SLC45A4: variants seen among roughly 807,000 people sequenced by gnomAD.
SLC45A4 encodes the protein polyamine-transporter SLC45A4.
In SLC45A4, 32 loss-of-function variants were observed where a neutral mutation model predicts 63.7. That is an observed-to-expected ratio of 0.50 (90% CI 0.38 to 0.67). The LOEUF is 0.67. SLC45A4 is among the 30% of genes least tolerant of loss of function. The pLI, the probability that SLC45A4 is intolerant of heterozygous loss-of-function variation, is 0.00. For synonymous variants in SLC45A4, 535 were observed against 510.0 expected (o/e 1.05, Z -0.66); for missense variants, 1,027 against 1,157.7 (o/e 0.89, Z 1.64).
chr8:141,295,595 A>G (rs774519753), intron 1 of SLC45A4, among the ~76,000 whole-genome samples: 40 of 152,200 alleles, frequency 2.6e-4, no homozygotes, highest in Non-Finnish European at 5.1e-4. Context: ...CTTCCACAAC[A>G]CAGCACCCAG....
chr8:141,217,507 C>T (rs538281819), intron 5 of SLC45A4, among the ~76,000 whole-genome samples: 29 of 152,338 alleles, frequency 1.9e-4, no homozygotes, highest in African/African-American at 5.8e-4. Flanking sequence ...GTGGCCCTCT[C>T]GGAGCCACTG....
intron 1 of SLC45A4, among the ~76,000 whole-genome samples, chr8:141,276,400 A>G (rs1829729533): frequency 6.6e-6 from 1 of 152,174 alleles, no homozygotes; most frequent in Non-Finnish European, 1.5e-5. Context: ...CTCAGTAGGG[A>G]GAGCAAGTCT....
intron 2 of SLC45A4, among the ~76,000 whole-genome samples, chr8:141,222,994 T>G (rs537670019): frequency 6.6e-6 from 1 of 152,330 alleles, no homozygotes; most frequent in African/African-American, 2.4e-5. Context: ...GAAATAAAGG[T>G]GCTTGGCACG....
intron 1 of SLC45A4, among the ~76,000 whole-genome samples, chr8:141,276,949 GCCTAA>G (rs1829750810): frequency 6.6e-6 from 1 of 152,162 alleles, no homozygotes; most frequent in Non-Finnish European, 1.5e-5. Flanking sequence ...CGTCCCCCCG[GCCTAA>G]GCACTGCCCT....
chr8:141,213,734 C>T (rs912769198), intron 7 of SLC45A4, among the ~76,000 whole-genome samples: 3 of 152,196 alleles, frequency 2.0e-5, no homozygotes, highest in Non-Finnish European at 4.4e-5. Context: ...AGGACTAAGA[C>T]GCCGAAAGTT....
chr8:141,281,009 A>C (rs1249783644), intron 1 of SLC45A4, among the ~76,000 whole-genome samples: 1 of 152,246 alleles, frequency 6.6e-6, no homozygotes, highest in Non-Finnish European at 1.5e-5. Context: ...GCATCGCACG[A>C]GTTCCCCTGG....
intron 1 of SLC45A4, among the ~76,000 whole-genome samples, chr8:141,258,187 C>T (rs553365874): frequency 7.3e-4 from 111 of 152,132 alleles, no homozygotes; most frequent in Non-Finnish European, 1.1e-3. Context: ...TGCTGCCCTC[C>T]GGCCTGGCCT....
At chr8:141,250,292 T>C (rs1321950625) in intron 2 of SLC45A4, among the ~76,000 whole-genome samples, 1 of 150,936 alleles carries the variant, frequency 6.6e-6, no homozygotes, top group East Asian at 1.9e-4. Context: ...CACACTGGTT[T>C]TCACTTTGAG....
chr8:141,228,343 C>T (rs563890040), intron 2 of SLC45A4: 1 of 1,583,826 alleles, frequency 6.3e-7, no homozygotes, highest in East Asian at 2.3e-5. Flanking sequence ...TCCTCTTCAA[C>T]AAGGAGGGGC....
chr8:141,241,011 C>T (rs1219654290), intron 2 of SLC45A4, among the ~76,000 whole-genome samples: 3 of 152,366 alleles, frequency 2.0e-5, no homozygotes, highest in Admixed American at 6.5e-5. Flanking sequence ...CACACCCTCC[C>T]GCTCTCCCCG....
chr8:141,265,402 T>C (rs1343058215), intron 1 of SLC45A4, among the ~76,000 whole-genome samples: 1 of 152,208 alleles, frequency 6.6e-6, no homozygotes, highest in Admixed American at 6.5e-5. Context: ...AGGGAGGGGC[T>C]GGGTGCCAGC....
intron 2 of SLC45A4, among the ~76,000 whole-genome samples, chr8:141,243,548 G>C (rs1160462693): frequency 6.6e-6 from 1 of 152,182 alleles, no homozygotes; most frequent in Non-Finnish European, 1.5e-5. Flanking sequence ...GGGAGGCTGA[G>C]GCAGGAGGAT....
chr8:141,264,129 T>C (rs1829162098), intron 1 of SLC45A4, among the ~76,000 whole-genome samples: 1 of 152,164 alleles, frequency 6.6e-6, no homozygotes, highest in Non-Finnish European at 1.5e-5. Context: ...GGTCAGGAAA[T>C]CCATGTAACA....
At chr8:141,249,553 G>A (rs74796298) in intron 2 of SLC45A4, among the ~76,000 whole-genome samples, 1,709 of 152,320 alleles carry the variant, frequency 0.011, 34 homozygotes, top group African/African-American at 0.04. Flanking sequence ...GTGGCTGGGG[G>A]CAGCGGGGGC....
intron 1 of SLC45A4, among the ~76,000 whole-genome samples, chr8:141,275,227 G>T (rs1310961225): frequency 6.6e-6 from 1 of 152,178 alleles, no homozygotes; most frequent in Admixed American, 6.5e-5. Context: ...GGAAAAGTCA[G>T]CTGTTCAGAA....
intron 2 of SLC45A4, chr8:141,230,093 T>C (rs1253446943): frequency 6.6e-6 from 3 of 456,114 alleles, no homozygotes; most frequent in Admixed American, 4.7e-5. Context: ...GGTAAATGAA[T>C]TACATGTCAG....
chr8:141,246,667 G>GA (rs1828219983), intron 2 of SLC45A4, among the ~76,000 whole-genome samples: 1 of 37,074 alleles, frequency 2.7e-5, no homozygotes, highest in Admixed American at 2.9e-4. Context: ...GTCACACAGA[G>GA]GGTATCTCAG....
At chr8:141,303,748 T>C (rs1830817784) in intron 1 of SLC45A4, among the ~76,000 whole-genome samples, 1 of 152,142 alleles carries the variant, frequency 6.6e-6, no homozygotes, top group African/African-American at 2.4e-5. Context: ...ATTAAGCACC[T>C]CTGGGCCAGA....
At chr8:141,279,350 A>G (rs1370784309) in intron 1 of SLC45A4, among the ~76,000 whole-genome samples, 1 of 152,256 alleles carries the variant, frequency 6.6e-6, no homozygotes, top group Non-Finnish European at 1.5e-5. Context: ...TCCGCAGGAC[A>G]GACTCATAGC....
Sources: allele counts gnomAD v4.1 joint callset (sites outside exome capture counted in the v4.1 genomes callset), GRCh38; gene constraint gnomAD v4.1.1; transcripts MANE v1.5; gene names NCBI Gene and HGNC (gene_info 2026-07-23, HGNC 2026-07-21).